FNDC3B: variants seen among roughly 807,000 people sequenced by gnomAD.
FNDC3B encodes the protein fibronectin type III domain-containing protein 3B.
In FNDC3B, 12 loss-of-function variants were observed where a neutral mutation model predicts 151.5. The observed-to-expected ratio is 0.08, with a 90% CI of 0.05 to 0.13. The LOEUF is 0.13. FNDC3B is among the 10% of genes least tolerant of loss of function. FNDC3B has a pLI of 1.00. For missense variants in FNDC3B, 1,214 were observed against 1,505.3 expected (o/e 0.81, Z 3.20); for synonymous variants, 528 against 549.0 (o/e 0.96, Z 0.54).
chr3:172,052,303 C>G (rs1427249103), intron 1 of FNDC3B, among the ~76,000 whole-genome samples: 1 of 151,540 alleles, frequency 6.6e-6, no homozygotes, highest in African/African-American at 2.4e-5. Flanking sequence ...GTCTGGAAGT[C>G]TTGGGCTCAA....
At chr3:172,044,498 TC>T (rs1716265715) in intron 1 of FNDC3B, among the ~76,000 whole-genome samples, 2 of 152,200 alleles carry the variant, frequency 1.3e-5, no homozygotes, top group Non-Finnish European at 2.9e-5. Flanking sequence ...CTGTAAATTA[TC>T]TTTGAATTGT....
chr3:172,104,972 G>A (rs1300563634), intron 1 of FNDC3B, among the ~76,000 whole-genome samples: 1 of 152,170 alleles, frequency 6.6e-6, no homozygotes, highest in African/African-American at 2.4e-5. Flanking sequence ...TTCAAAGCCA[G>A]CATTGATCAA....
intron 23 of FNDC3B, among the ~76,000 whole-genome samples, chr3:172,377,066 C>G (rs1009900391): frequency 1.3e-5 from 2 of 152,196 alleles, no homozygotes; most frequent in Admixed American, 1.3e-4. Context: ...CAGAGCCTAG[C>G]ACACAGCAGA....
At chr3:172,256,566 C>T (rs1037107671) in intron 6 of FNDC3B, among the ~76,000 whole-genome samples, 6 of 152,156 alleles carry the variant, frequency 3.9e-5, no homozygotes, top group African/African-American at 1.4e-4. Context: ...GTTTCTGTTG[C>T]TCTTCATTGA....
chr3:172,177,311 A>T (rs974236931), intron 3 of FNDC3B, among the ~76,000 whole-genome samples: 1 of 152,250 alleles, frequency 6.6e-6, no homozygotes, highest in African/African-American at 2.4e-5. Context: ...AGATGTCAGA[A>T]TCTACATTTT....
rs143289755 is a variant in FNDC3B, at chr3:172,201,169, G to C, written c.188-25702G>C. The stretch of plus-strand genomic sequence containing the variant: ...CCTGCCCCAGCCAGCCTCTCTAATG[G>C]CTCCTACGGTGAAGTTCTGTTAGCG... On this transcript the variant is annotated intron_variant, in intron 3 of 25. Transcript: ENST00000415807. Among the ~76,000 whole-genome samples, 8 of 152,266 alleles carry C rather than the reference G, an allele frequency of 5.3e-5. No individual in the cohort carries two copies. In the East Asian group the frequency reaches 1.5e-3, roughly 29 times the overall value.
chr3:172,161,353 A>G (rs1166587442), intron 3 of FNDC3B, among the ~76,000 whole-genome samples: 1 of 152,228 alleles, frequency 6.6e-6, no homozygotes, highest in Non-Finnish European at 1.5e-5. Context: ...TTTTCCTCTC[A>G]TGGAGAGTCC....
intron 24 of FNDC3B, among the ~76,000 whole-genome samples, chr3:172,380,076 C>CTT (rs35196745): frequency 0.31 from 16,536 of 53,274 alleles, 1,161 homozygotes; most frequent in Middle Eastern, 0.44. Flanking sequence ...TCTTCTTCTT[C>CTT]TTTTTTTTTA....
intron 2 of FNDC3B, among the ~76,000 whole-genome samples, chr3:172,114,726 GAAAACA>G (rs993079101): frequency 5.3e-5 from 8 of 151,922 alleles, no homozygotes; most frequent in African/African-American, 1.9e-4. Context: ...TCTCTAAAAA[GAAAACA>G]AAAACAAAAA....
intron 3 of FNDC3B, among the ~76,000 whole-genome samples, chr3:172,170,223 G>T (rs1014863487): frequency 6.6e-6 from 1 of 152,130 alleles, no homozygotes; most frequent in Non-Finnish European, 1.5e-5. Context: ...TCCTTCCAAG[G>T]AACTGGCAGT....
intron 22 of FNDC3B, among the ~76,000 whole-genome samples, chr3:172,354,281 T>C (rs1367740231): frequency 2.0e-5 from 3 of 152,028 alleles, no homozygotes; most frequent in African/African-American, 7.2e-5. Context: ...TTGTTTCCAA[T>C]TTTAATCCAT....
intron 4 of FNDC3B, among the ~76,000 whole-genome samples, chr3:172,228,971 C>T (rs1196265118): frequency 6.6e-6 from 1 of 152,070 alleles, no homozygotes; most frequent in Admixed American, 6.5e-5. Context: ...GCAGTACACA[C>T]ACTTCAATGA....
chr3:172,362,537 G>A, intron 22 of FNDC3B, 96 bp from the exon 23 acceptor site: 1 of 929,168 alleles, frequency 1.1e-6, no homozygotes, highest in East Asian at 2.4e-5. Context: ...TTGCTTTAGG[G>A]ACAAGTAATA....
At chr3:172,113,013 G>T (rs769306775) in intron 2 of FNDC3B, among the ~76,000 whole-genome samples, 1 of 152,180 alleles carries the variant, frequency 6.6e-6, no homozygotes, top group Non-Finnish European at 1.5e-5. Flanking sequence ...TCCTGGAATA[G>T]TCCTTCCAAA....
chr3:172,341,663 C>G (rs1034329016), intron 17 of FNDC3B, among the ~76,000 whole-genome samples: 6 of 152,212 alleles, frequency 3.9e-5, no homozygotes, highest in African/African-American at 1.2e-4. Flanking sequence ...CCTCAAGGTA[C>G]TTTACTGCCA....
intron 4 of FNDC3B, among the ~76,000 whole-genome samples, chr3:172,227,604 A>C (rs1025494641): frequency 3.9e-5 from 6 of 152,200 alleles, no homozygotes; most frequent in African/African-American, 1.2e-4. Flanking sequence ...ATCTGTATAT[A>C]CTTTAGTTTT....
Position 172,233,359 on chromosome 3 carries a change from C to T in FNDC3B, c.264+6412C>T, listed in dbSNP as rs145092621. On this transcript the variant is annotated intron_variant, in intron 4 of 25. Transcript: ENST00000415807. ...GTGAGAGCAGAAACAACAAAAATAC[C>T]GCATTGGATTATTTTGGGGATTAAT... Among the ~76,000 whole-genome samples the T allele has an allele frequency of 1.8e-4, 28 of 152,176 alleles. No individual in the cohort carries two copies. The East Asian group carries it at 2.9e-3, about 16-fold the overall frequency.
chr3:172,049,298 C>T (rs956774046), intron 1 of FNDC3B, among the ~76,000 whole-genome samples: 3 of 151,806 alleles, frequency 2.0e-5, no homozygotes, highest in Admixed American at 1.3e-4. Context: ...CAGAGAGTTT[C>T]CTTATTTTAT....
rs1164310694 is a variant in FNDC3B, at chr3:172,399,077, GCAGTATC to G, written c.*1604_*1610del. 1 of 152,592 alleles carries G rather than the reference GCAGTATC, an allele frequency of 6.6e-6. No homozygotes were observed. The highest frequency in any genetic ancestry group is 1.5e-5 in the Non-Finnish European group (1 of 68,018). The allele number at this position is 152,592 out of a possible 1,614,324, so 9.5% of individuals were successfully genotyped here. A position where few individuals can be genotyped will look rare whatever the true frequency, so the allele number is the denominator to read the frequency against. On this transcript the variant is annotated 3_prime_UTR_variant, in exon 26 of 26. Transcript: ENST00000415807. Reference sequence around the variant, plus strand: ...GTGCTTGATCTTTATTGTCTAAGATGCAGTATCCTGTACTAGCTTATAATATTCCCAT... The same window carrying G: ...GTGCTTGATCTTTATTGTCTAAGATGCTGTACTAGCTTATAATATTCCCAT...
Sources: allele counts gnomAD v4.1 joint callset (sites outside exome capture counted in the v4.1 genomes callset), GRCh38; gene constraint gnomAD v4.1.1; transcripts MANE v1.5; gene names NCBI Gene and HGNC (gene_info 2026-07-23, HGNC 2026-07-21).